GAREM2: variants seen among roughly 807,000 people sequenced by gnomAD.
GAREM2 encodes the protein GRB2 associated regulator of MAPK1 subtype 2.
Under a neutral mutation model 55.6 loss-of-function variants are expected in GAREM2, and 30 were observed. The ratio of observed to expected loss-of-function variants is 0.54; its 90% CI spans 0.40 to 0.73. The LOEUF (loss-of-function observed/expected upper bound fraction) is 0.73. GAREM2 is among the 30% of genes least tolerant of loss of function. The pLI is 0.00. For missense variants in GAREM2, 1,075 were observed against 1,257.7 expected (o/e 0.85, Z 2.20); for synonymous variants, 550 against 569.1 (o/e 0.97, Z 0.48).
At position 26,182,956 on chromosome 2, in the gene GAREM2, C is replaced by T; in HGVS notation, c.254-11C>T. 2 of 1,551,272 alleles carry T rather than the reference C, an allele frequency of 1.3e-6. No homozygotes were observed. The highest frequency in any genetic ancestry group is 1.2e-5 in the South Asian group (1 of 84,044). On this transcript the variant is annotated splice_polypyrimidine_tract_variant and intron_variant, in intron 2 of 5. Coordinates refer to ENST00000401533, the MANE Select transcript of GAREM2 (RefSeq NM_001168241.2). ...GGCCCACTCCAGCAACTTTTGTCACCCACTATGCAGGGAAGTTCAAGCTCC... is the reference window on the plus strand; with the variant it reads ...GGCCCACTCCAGCAACTTTTGTCACTCACTATGCAGGGAAGTTCAAGCTCC...
Position 26,173,312 on chromosome 2 carries a change from C to T in GAREM2, c.92C>T (p.Thr31Met), listed in dbSNP as rs1260980168. ...ATCGTCAGCCGCTGCCGCCTGCCCA[C>T]GCTCGCCTGCCTTGGGCCAGGTACC... ...DLIVSRCRLPTLACLGPGEYA... is the reference protein window; with the variant it reads ...DLIVSRCRLPMLACLGPGEYA... The change falls in exon 1 of 6, where the codon ACG becomes ATG. Residue 31 changes from threonine (T) to methionine (M), a missense_variant. By Grantham distance (81) the Thr-to-Met change is moderately conservative (BLOSUM62 -1). Transcript: ENST00000401533. The T allele has an allele frequency of 4.6e-5, 65 of 1,420,846 alleles. No individual in the cohort carries two copies. Among genetic ancestry groups the T allele is most frequent in the Non-Finnish European group, 5.4e-5 (59 of 1,083,056 alleles). 88.0% of individuals were successfully genotyped at this position (1,420,846 alleles called of 1,614,324 possible).
At chr2:26,193,476 A>G, downstream of GAREM2, 1 of 1,011,102 alleles carries the variant, frequency 9.9e-7, no homozygotes, top group Non-Finnish European at 1.6e-6. Context: ...CTGTGTTTAG[A>G]AAACTTTCTT....
At chr2:26,174,195 C>A (rs1668787848) in intron 1 of GAREM2, among the ~76,000 whole-genome samples, 1 of 152,222 alleles carries the variant, frequency 6.6e-6, no homozygotes, top group African/African-American at 2.4e-5. Flanking sequence ...CCTCGTCTCC[C>A]CGTGGGGCCC....
the GAREM2 span, chr2:26,204,212 G>C: frequency 6.2e-7 from 1 of 1,613,032 alleles, no homozygotes; most frequent in South Asian, 1.1e-5. Flanking sequence ...AGGCAAGGAT[G>C]AAATGACTTT....
chr2:26,181,987 C>A (rs1479922106), intron 2 of GAREM2: 1 of 989,418 alleles, frequency 1.0e-6, no homozygotes. Context: ...AAAAAAAACA[C>A]CCAGAGGCTA....
At chr2:26,175,608 G>C (rs1212251144) in intron 1 of GAREM2, among the ~76,000 whole-genome samples, 1 of 152,180 alleles carries the variant, frequency 6.6e-6, no homozygotes, top group Non-Finnish European at 1.5e-5. Context: ...ATGGGGTTGG[G>C]GGTTTCTGGG....
Position 26,187,342 on chromosome 2 carries a change from C to G in GAREM2, c.1710C>G (p.Ala570=), listed in dbSNP as rs1375842423. The G allele has an allele frequency of 1.3e-6, 2 of 1,542,930 alleles. No homozygotes were observed. The highest frequency in any genetic ancestry group is 2.5e-5 in the East Asian group (1 of 40,716). Reference sequence around the variant, plus strand: ...TGGGCGAGTCCTCTAGCCGCCCAGCCCCCGGTCCCCTACCCTCAACCACAC... The same window carrying G: ...TGGGCGAGTCCTCTAGCCGCCCAGCGCCCGGTCCCCTACCCTCAACCACAC... ...CKVGESSSRP[A]PGPLPSTTQP... The change falls in exon 6 of 6, where the codon GCC becomes GCG. Residue 570 remains alanine (A), a synonymous_variant. Coordinates refer to ENST00000401533, the MANE Select transcript of GAREM2 (RefSeq NM_001168241.2).
At position 26,187,668 on chromosome 2, in the gene GAREM2, C is replaced by T. The variant is rs1326889143; in HGVS notation, c.2036C>T (p.Pro679Leu). Reference sequence around the variant, plus strand: ...CCAGGCCAGGCCTATTCAGCTGCTCCCCCCTCCTCCTGCGCCCCCTCCTCC... The same window carrying T: ...CCAGGCCAGGCCTATTCAGCTGCTCTCCCCTCCTCCTGCGCCCCCTCCTCC... Reference protein sequence around the residue: ...ASPGQAYSAAPPSSCAPSSSS... With the variant: ...ASPGQAYSAALPSSCAPSSSS... The change falls in exon 6 of 6, where the codon CCC becomes CTC. Residue 679 changes from proline to leucine, a missense_variant. Coordinates refer to ENST00000401533, the MANE Select transcript of GAREM2 (RefSeq NM_001168241.2). 1 of 1,515,294 alleles carries T rather than the reference C, an allele frequency of 6.6e-7. No homozygotes were observed. Among genetic ancestry groups the T allele is most frequent in the South Asian group, 1.3e-5 (1 of 79,600 alleles). The allele number at this position is 1,515,294 out of a possible 1,614,324, so 93.9% of individuals were successfully genotyped here.
Position 26,184,901 on chromosome 2 carries a change from C to T in GAREM2, c.1053C>T (p.Arg351=). The T allele has an allele frequency of 6.9e-7, 1 of 1,453,546 alleles. No homozygotes were observed. Among genetic ancestry groups the T allele is most frequent in the African/African-American group, 1.5e-5 (1 of 67,120 alleles). 90.0% of individuals were successfully genotyped at this position (1,453,546 alleles called of 1,614,324 possible). ...ACAGCGCCTCCTACTGCCGCGAGCG[C>T]TTCGACCCCGACGAGTACTCCACGG... The part of the protein sequence containing the change: ...VRDSASYCRE[R]FDPDEYSTAV... Residue 351 remains arginine (R), a synonymous_variant, in exon 4 of 6, where the codon CGC becomes CGT. Coordinates refer to ENST00000401533, the MANE Select transcript of GAREM2 (RefSeq NM_001168241.2).
At chr2:26,203,599 G>A in the GAREM2 span, among the ~76,000 whole-genome samples, 4 of 152,130 alleles carry the variant, frequency 2.6e-5, no homozygotes, top group Admixed American at 6.5e-5. Context: ...TCCTGATCCC[G>A]GCCCTGCCTT....
chr2:26,192,329 G>T (rs142348718), downstream of GAREM2: 2 of 1,587,688 alleles, frequency 1.3e-6, no homozygotes, highest in Non-Finnish European at 1.7e-6. Flanking sequence ...TTAGGAGGCA[G>T]CTTCAGACTC....
the GAREM2 span, chr2:26,204,259 A>G: frequency 4.8e-6 from 7 of 1,462,138 alleles, no homozygotes; most frequent in Non-Finnish European, 6.7e-6. Flanking sequence ...TCAAAGTGGA[A>G]GATTGCCTAA....
At chr2:26,192,183 A>C, downstream of GAREM2, 1 of 659,294 alleles carries the variant, frequency 1.5e-6, no homozygotes. Flanking sequence ...ATACCTATGT[A>C]ACAAACCTGC....
downstream of GAREM2, among the ~76,000 whole-genome samples, chr2:26,192,150 G>A (rs1459335651): frequency 6.6e-6 from 1 of 151,896 alleles, no homozygotes; most frequent in East Asian, 1.9e-4. Context: ...AAAGAAAATG[G>A]AAGACAGCAC....
At chr2:26,177,901 A>T (rs1287862593) in intron 2 of GAREM2, among the ~76,000 whole-genome samples, 1 of 152,236 alleles carries the variant, frequency 6.6e-6, no homozygotes, top group African/African-American at 2.4e-5. Flanking sequence ...TGCTGGAATT[A>T]CAGGTGTCAG....
chr2:26,191,914 A>AT (rs1462640908), downstream of GAREM2, among the ~76,000 whole-genome samples: 1 of 152,236 alleles, frequency 6.6e-6, no homozygotes, highest in East Asian at 1.9e-4. Flanking sequence ...CTCACAAATG[A>AT]TAATAAAGAT....
chr2:26,184,671 C>G lies in GAREM2; in HGVS notation c.823C>G (p.Arg275Gly). The G allele has an allele frequency of 6.5e-7, 1 of 1,543,710 alleles. No individual in the cohort carries two copies. The highest frequency in any genetic ancestry group is 8.7e-7 in the Non-Finnish European group (1 of 1,144,362). ...CGTGCTGGTGCCCAGCCGGCCGCCG[C>G]GCAACCCCTACGACCTGCACCCGGT... ...VNVLVPSRPPRNPYDLHPVRE... is the reference protein window; with the variant it reads ...VNVLVPSRPPGNPYDLHPVRE... The change falls in exon 4 of 6, where the codon CGC becomes GGC. Residue 275 changes from arginine (R) to glycine (G), a missense_variant. By Grantham distance (125) the Arg-to-Gly change is moderately radical (BLOSUM62 -2). Around this residue, in one of 6 missense-constraint regions of GAREM2, gnomAD observed 170 missense variants for 220.7 expected, o/e 0.77. Transcript: ENST00000401533.
At chr2:26,198,897 T>A in the GAREM2 span, among the ~76,000 whole-genome samples, 30 of 140,030 alleles carry the variant, frequency 2.1e-4, 1 homozygote, top group South Asian at 6.4e-3. Flanking sequence ...AAAACATAAC[T>A]TTTTTTTTTT....
At chr2:26,177,040 A>T (rs1205189192) in intron 2 of GAREM2, among the ~76,000 whole-genome samples, 1 of 152,206 alleles carries the variant, frequency 6.6e-6, no homozygotes, top group Admixed American at 6.5e-5. Flanking sequence ...GACTACCTTT[A>T]TTAGTTTTAT....
Sources: gnomAD v4.1 joint callset for allele counts (sites outside exome capture counted in the v4.1 genomes callset) on GRCh38, gnomAD v4.1.1 for gene constraint, gnomAD v4.1.1 regional missense constraint, MANE v1.5 for transcripts, NCBI Gene and HGNC (gene_info 2026-07-23, HGNC 2026-07-21) for gene names.